The following ZNF732 variants were observed in gnomAD, a reference collection of about 807,000 sequenced individuals.
ZNF732 encodes the protein zinc finger protein LOC654254.
In ZNF732, 12 loss-of-function variants were observed where a neutral mutation model predicts 11.5. That is an observed-to-expected ratio of 1.05 (90% CI 0.67 to 1.70). The LOEUF (loss-of-function observed/expected upper bound fraction) is 1.70, where lower values mean the gene tolerates loss of function less well. Among genes scored for constraint, ZNF732 ranks in the 40% most tolerant of loss-of-function variants. ZNF732 has a pLI of 0.00. For synonymous variants in ZNF732, 231 were observed against 236.5 expected (o/e 0.98, Z 0.21); for missense variants, 702 against 676.9 (o/e 1.04, Z -0.41).
chr4:295,302 T>C, intron 3 of ZNF732, 136 bp downstream of exon 3: 3 of 641,098 alleles, frequency 4.7e-6, no homozygotes, highest in Non-Finnish European at 8.0e-6. Context: ...TATTCATGAA[T>C]ATGAGAAAAA....
intron 3 of ZNF732, among the ~76,000 whole-genome samples, chr4:284,648 G>A (rs1315179898): frequency 3.9e-5 from 6 of 152,004 alleles, no homozygotes; most frequent in East Asian, 3.9e-4. Flanking sequence ...TGAGGCGGGT[G>A]GATCACGAGA....
intron 1 of ZNF732, among the ~76,000 whole-genome samples, chr4:302,085 G>T (rs1720129761): frequency 6.6e-6 from 1 of 152,008 alleles, no homozygotes; most frequent in South Asian, 2.1e-4. Context: ...ACTGTAGATA[G>T]AAGGAGAGAC....
At position 271,578 on chromosome 4, in the gene ZNF732, A is replaced by ATTTG. The variant is rs782276416; in HGVS notation, c.1278_1279insCAAA (p.Phe427GlnfsTer10). ...TTATTCAGGTCTGTGGACCATCCAA[A>ATTTG]GGCTTTGCCACACTCTTCACATTTG... On this transcript the variant is annotated frameshift_variant, in exon 4 of 4. Transcript: ENST00000419098. LOFTEE classifies it low-confidence loss of function (END_TRUNC). The ATTTG allele has an allele frequency of 1.3e-5, 21 of 1,613,390 alleles. No homozygotes were observed. In the East Asian group the frequency reaches 3.6e-4, roughly 27 times the overall value.
chr4:279,787 A>G (rs116671481), intron 3 of ZNF732, among the ~76,000 whole-genome samples: 446 of 152,314 alleles, frequency 2.9e-3, no homozygotes, highest in African/African-American at 0.01. Flanking sequence ...CTCTCACAGA[A>G]TAACATATAC....
At chr4:292,711 A>G (rs1719863455) in intron 3 of ZNF732, among the ~76,000 whole-genome samples, 1 of 151,770 alleles carries the variant, frequency 6.6e-6, no homozygotes, top group Admixed American at 6.6e-5. Flanking sequence ...GGTAAGTGCT[A>G]TATGCTGTTG....
At chr4:301,670 A>C (rs1333480561) in intron 1 of ZNF732, among the ~76,000 whole-genome samples, 3 of 152,224 alleles carry the variant, frequency 2.0e-5, no homozygotes, top group Admixed American at 2.0e-4. Flanking sequence ...TTGAACAATG[A>C]GAACACGTGG....
At position 271,639 on chromosome 4, in the gene ZNF732, A is replaced by G. The variant is rs1378524333; in HGVS notation, c.1218T>C (p.Asn406=). Residue 406 remains asparagine, a synonymous_variant, in exon 4 of 4, where the codon AAT becomes AAC. Coordinates refer to ENST00000419098, the MANE Select transcript of ZNF732 (RefSeq NM_001137608.3). The part of the protein sequence containing the change: ...GKAFSRFTTL[N]EHKRIHTGER... ...CTCCAGTATGAATTCTCTTATGTTC[A>G]TTAAGGGTTGTGAACCGACTAAAGG... is the stretch of plus-strand genomic sequence containing the variant. 27 of 1,610,768 alleles carry G rather than the reference A, an allele frequency of 1.7e-5. No homozygotes were observed. The highest frequency in any genetic ancestry group is 2.1e-5 in the Non-Finnish European group (25 of 1,178,404).
intron 3 of ZNF732, among the ~76,000 whole-genome samples, chr4:287,329 C>T (rs1719752048): frequency 6.6e-6 from 1 of 151,694 alleles, no homozygotes; most frequent in Non-Finnish European, 1.5e-5. Context: ...ATTCTCCTGC[C>T]TCAGCCTCCC....
At chr4:303,001 G>GC (rs1338155324) in intron 1 of ZNF732, among the ~76,000 whole-genome samples, 1 of 152,086 alleles carries the variant, frequency 6.6e-6, no homozygotes, top group Admixed American at 6.6e-5. Context: ...CTTAACTTGT[G>GC]CAAGCTGACT....
At chr4:297,634 T>TAAAAAAA (rs1719982021) in intron 1 of ZNF732, among the ~76,000 whole-genome samples, 1 of 120,864 alleles carries the variant, frequency 8.3e-6, no homozygotes, top group South Asian at 3.4e-4. Context: ...AAAAAAAAAC[T>TAAAAAAA]GCAGGGATGG....
intron 3 of ZNF732, among the ~76,000 whole-genome samples, chr4:291,739 C>G (rs1232400109): frequency 1.3e-5 from 2 of 152,204 alleles, no homozygotes; most frequent in Admixed American, 6.5e-5. Context: ...TTAAGTGTAA[C>G]CTTAAACAAT....
At chr4:299,523 GTGTATATATACATATATACACATATATA>G (rs1409964181) in intron 1 of ZNF732, among the ~76,000 whole-genome samples, 1 of 120,892 alleles carries the variant, frequency 8.3e-6, no homozygotes. Flanking sequence ...ACGTATATAT[GTGTATATATACATATATACACATATATA>G]TGTATATATA....
Position 271,963 on chromosome 4 carries a change from T to G in ZNF732, c.894A>C (p.Lys298Asn). 1 of 1,607,076 alleles carries G rather than the reference T, an allele frequency of 6.2e-7. No homozygotes were observed. The highest frequency in any genetic ancestry group is 8.5e-7 in the Non-Finnish European group (1 of 1,176,438). The change falls in exon 4 of 4, where the codon AAA becomes AAC. Residue 298 changes from lysine (K) to asparagine (N), a missense_variant. This residue lies in a region of ZNF732 where 596 missense variants were observed against 557.9 expected (regional missense o/e 1.07). Transcript: ENST00000419098. ...TSSSNVAKHK[K>N]IHTGEKLYKC... ...TGTAGAGTTTCTCTCCGGTATGAAT[T>G]TTCTTATGTTTGGCAACATTTGAGG... is the stretch of plus-strand genomic sequence containing the variant.
At chr4:283,314 T>G (rs1267216718) in intron 3 of ZNF732, among the ~76,000 whole-genome samples, 1 of 152,008 alleles carries the variant, frequency 6.6e-6, no homozygotes, top group Non-Finnish European at 1.5e-5. Flanking sequence ...AAAAATAAAC[T>G]AAAACACTCG....
chr4:270,842 C>A lies in ZNF732; in HGVS notation c.*257G>T. 1.5e-6 allele frequency: 1 copy of A among 677,364 alleles called. No individual in the cohort carries two copies. The allele number at this position is 677,364 out of a possible 1,614,324, so 42.0% of individuals were successfully genotyped here. A position where few individuals can be genotyped will look rare whatever the true frequency, so the allele number is the denominator to read the frequency against. On this transcript the variant is annotated 3_prime_UTR_variant, in exon 4 of 4. Transcript: ENST00000419098. ...CATCTAAAAGCTTTGCCACATTCTT[C>A]ACATTTGTAGGGTTGCTCTCCAGCA...
intron 3 of ZNF732, among the ~76,000 whole-genome samples, chr4:283,929 GAGA>G (rs782440181): frequency 2.0e-5 from 3 of 151,808 alleles, no homozygotes; most frequent in East Asian, 1.9e-4. Flanking sequence ...TAGTTTTTTT[GAGA>G]AGGAGTCTTG....
At chr4:289,030 A>G (rs1333933787) in intron 3 of ZNF732, among the ~76,000 whole-genome samples, 1 of 152,266 alleles carries the variant, frequency 6.6e-6, no homozygotes, top group Non-Finnish European at 1.5e-5. Flanking sequence ...TACAGAAGGC[A>G]TAGCAGCTTC....
At chr4:295,558 GCTA>G in intron 2 of ZNF732, 25 bp from the exon 3 acceptor site, 1 of 1,567,668 alleles carries the variant, frequency 6.4e-7, no homozygotes, top group African/African-American at 1.4e-5. Flanking sequence ...AAATTAACAT[GCTA>G]CTGTTAGGGA....
chr4:299,717 A>G (rs1581549800), intron 1 of ZNF732, among the ~76,000 whole-genome samples: 2 of 138,200 alleles, frequency 1.4e-5, no homozygotes, highest in East Asian at 4.2e-4. Flanking sequence ...TTTTAAAGAG[A>G]TGGAGTTTCC....
Sources: gnomAD v4.1 joint callset for allele counts (sites outside exome capture counted in the v4.1 genomes callset) on GRCh38, gnomAD v4.1.1 for gene constraint, gnomAD v4.1.1 regional missense constraint, MANE v1.5 for transcripts, NCBI Gene and HGNC (gene_info 2026-07-23, HGNC 2026-07-21) for gene names.